The following ELMO1 variants were observed in gnomAD, a reference collection of about 807,000 sequenced individuals.
ELMO1 encodes the protein engulfment and cell motility protein 1.
Under a neutral mutation model 98.9 loss-of-function variants are expected in ELMO1, and 26 were observed. The ratio of observed to expected loss-of-function variants is 0.26; its 90% CI spans 0.19 to 0.36. ELMO1 has a LOEUF of 0.36. Ranked by LOEUF, ELMO1 falls within the 10% of genes least tolerant of loss-of-function variation. The pLI is 1.00. For synonymous variants in ELMO1, 346 were observed against 346.0 expected (o/e 1.00, Z 0.00); for missense variants, 627 against 935.2 (o/e 0.67, Z 4.30).
At chr7:37,434,664 TC>T (rs1017068253) in intron 1 of ELMO1, among the ~76,000 whole-genome samples, 2 of 152,180 alleles carry the variant, frequency 1.3e-5, no homozygotes, top group Non-Finnish European at 2.9e-5. Flanking sequence ...TGATAAAAGC[TC>T]AGCCCCATGA....
rs116390877 is a variant in ELMO1 at position 37,004,502 on chromosome 7, A to T, written c.1437+8797T>A. The stretch of plus-strand genomic sequence containing the variant: ...TGTCCAGCAGAAGAACAAATCAATT[A>T]TTTTCTCCTCCTAATTGGCAAATCT... On this transcript the variant is annotated intron_variant, in intron 16 of 21. Coordinates refer to ENST00000310758, the MANE Select transcript of ELMO1 (RefSeq NM_014800.11). Among the ~76,000 whole-genome samples the T allele has an allele frequency of 4.2e-3, 633 of 152,322 alleles. 6 individuals carry two copies. The highest frequency in any genetic ancestry group is 0.015 in the African/African-American group (607 of 41,558).
At chr7:37,098,837 C>G (rs1784493386) in intron 14 of ELMO1, among the ~76,000 whole-genome samples, 1 of 152,062 alleles carries the variant, frequency 6.6e-6, no homozygotes, top group Non-Finnish European at 1.5e-5. Context: ...GAGAAATGAA[C>G]TGAAAAAAAG....
chr7:37,311,844 T>C (rs1798907508), intron 4 of ELMO1, among the ~76,000 whole-genome samples: 2 of 152,256 alleles, frequency 1.3e-5, no homozygotes, highest in South Asian at 4.1e-4. Flanking sequence ...AAAAACTCCA[T>C]GACAGACTTT....
intron 15 of ELMO1, among the ~76,000 whole-genome samples, chr7:37,080,433 C>T (rs921288856): frequency 6.6e-6 from 1 of 150,800 alleles, no homozygotes; most frequent in Non-Finnish European, 1.5e-5. Flanking sequence ...ACCCACCATC[C>T]CACTTTTTTT....
Position 36,966,121 on chromosome 7 carries a change from G to C in ELMO1, c.1437+47178C>G, listed in dbSNP as rs115209299. Among the ~76,000 whole-genome samples the C allele has an allele frequency of 4.3e-3, 659 of 152,304 alleles. 11 individuals are homozygous for C. Among genetic ancestry groups the C allele is most frequent in the African/African-American group, 0.015 (629 of 41,560 alleles). On this transcript the variant is annotated intron_variant, in intron 16 of 21. Coordinates refer to ENST00000310758, the MANE Select transcript of ELMO1 (RefSeq NM_014800.11). ...TACTGCAGGTCCTCCATTTAATTCT[G>C]AGGACCTCTGGCTGCCTTCCTTTCA...
chr7:37,255,049 ACT>A (rs1411871410), intron 6 of ELMO1, among the ~76,000 whole-genome samples: 1 of 152,096 alleles, frequency 6.6e-6, no homozygotes, highest in Non-Finnish European at 1.5e-5. Context: ...ATCAGTTCTT[ACT>A]CTTTTTCTTT....
intron 4 of ELMO1, 83 bp downstream of exon 4, chr7:37,314,767 G>A (rs1005366094): frequency 7.4e-7 from 1 of 1,345,936 alleles, no homozygotes; most frequent in Non-Finnish European, 1.0e-6. Flanking sequence ...AGACCTGCAT[G>A]TCTAGGCCCG....
At chr7:37,375,124 A>G (rs551548003) in intron 1 of ELMO1, among the ~76,000 whole-genome samples, 17 of 152,330 alleles carry the variant, frequency 1.1e-4, no homozygotes, top group Admixed American at 7.8e-4. Context: ...CTTTGTTCCC[A>G]TCTTCCTGAT....
intron 15 of ELMO1, among the ~76,000 whole-genome samples, chr7:37,058,042 G>A (rs1417503020): frequency 2.0e-5 from 3 of 152,172 alleles, no homozygotes; most frequent in African/African-American, 7.2e-5. Context: ...AAGACAAAGG[G>A]CAACTTTACA....
intron 1 of ELMO1, among the ~76,000 whole-genome samples, chr7:37,376,436 C>T (rs901972669): frequency 5.1e-4 from 78 of 152,150 alleles, no homozygotes; most frequent in African/African-American, 1.7e-3. Context: ...TTTATAACTT[C>T]GCTAATTGTT....
At chr7:37,080,600 ATTTTTT>A (rs764259726) in intron 15 of ELMO1, among the ~76,000 whole-genome samples, 10 of 105,220 alleles carry the variant, frequency 9.5e-5, no homozygotes, top group Non-Finnish European at 1.1e-4. Context: ...ACCACGCCTA[ATTTTTT>A]TTTTTTTTTT....
At chr7:37,364,753 C>A (rs1191457603) in intron 1 of ELMO1, among the ~76,000 whole-genome samples, 1 of 152,074 alleles carries the variant, frequency 6.6e-6, no homozygotes, top group Non-Finnish European at 1.5e-5. Context: ...TTTTCAGGTA[C>A]CAGACAACTA....
chr7:37,204,197 T>C (rs1354807142), intron 13 of ELMO1: 1 of 456,128 alleles, frequency 2.2e-6, no homozygotes, highest in African/African-American at 2.0e-5. Context: ...TGGTGGGTTC[T>C]TGGTCTTGCT....
intron 15 of ELMO1, among the ~76,000 whole-genome samples, chr7:37,080,600 A>ATTTTTTTTTTTTTTTTTTTTT (rs764259726): frequency 9.5e-6 from 1 of 105,236 alleles, no homozygotes; most frequent in African/African-American, 3.9e-5. Context: ...ACCACGCCTA[A>ATTTTTTTTTTTTTTTTTTTTT]TTTTTTTTTT....
chr7:36,907,671 T>G (rs1562814469), intron 16 of ELMO1, among the ~76,000 whole-genome samples: 1 of 152,218 alleles, frequency 6.6e-6, no homozygotes, highest in Non-Finnish European at 1.5e-5. Flanking sequence ...CTGCTGGGTC[T>G]CCCATTCTCT....
At chr7:36,966,415 G>T (rs1234222890) in intron 16 of ELMO1, among the ~76,000 whole-genome samples, 1 of 152,118 alleles carries the variant, frequency 6.6e-6, no homozygotes, top group African/African-American at 2.4e-5. Context: ...TAAAAACTTG[G>T]CCTGTATCTA....
At chr7:37,254,486 C>T (rs1248712903) in intron 6 of ELMO1, among the ~76,000 whole-genome samples, 1 of 152,186 alleles carries the variant, frequency 6.6e-6, no homozygotes, top group East Asian at 1.9e-4. Flanking sequence ...AGTGTACTTA[C>T]ACAAACATAC....
chr7:37,311,052 G>C (rs1798865520), intron 4 of ELMO1, among the ~76,000 whole-genome samples: 1 of 151,798 alleles, frequency 6.6e-6, no homozygotes, highest in Admixed American at 6.6e-5. Context: ...TAAGTTTCTA[G>C]AGCAGAATTT....
At chr7:37,063,706 T>C (rs147399586) in intron 15 of ELMO1, among the ~76,000 whole-genome samples, 83 of 152,252 alleles carry the variant, frequency 5.5e-4, no homozygotes, top group African/African-American at 1.9e-3. Context: ...CTTCACTCGA[T>C]TCCCCTCCGC....
Sources: gnomAD v4.1 joint callset for allele counts (sites outside exome capture counted in the v4.1 genomes callset) on GRCh38, gnomAD v4.1.1 for gene constraint, MANE v1.5 for transcripts, NCBI Gene and HGNC (gene_info 2026-07-23, HGNC 2026-07-21) for gene names.